The following PEDS1 variants were observed in gnomAD, a reference collection of about 807,000 sequenced individuals.
The protein encoded by PEDS1 is CarF homolog.
A neutral mutation model predicts 35.2 loss-of-function variants in PEDS1; 14 were observed. The observed-to-expected ratio is 0.40, with a 90% CI of 0.26 to 0.62. PEDS1 has a LOEUF of 0.62. Ranked by LOEUF, PEDS1 falls within the 20% of genes least tolerant of loss-of-function variation. The pLI, the probability that PEDS1 is intolerant of heterozygous loss-of-function variation, is 0.44. For missense variants in PEDS1, 260 were observed against 367.8 expected (o/e 0.71, Z 2.40); for synonymous variants, 152 against 152.0 (o/e 1.00, Z 0.00).
intron 1 of PEDS1, among the ~76,000 whole-genome samples, chr20:50,149,588 C>G (rs1348246905): frequency 6.6e-6 from 1 of 152,168 alleles, no homozygotes; most frequent in Non-Finnish European, 1.5e-5. Flanking sequence ...AGGGCTCAAC[C>G]TCTGGGCCAG....
chr20:50,134,830 A>G (rs2081216353), intron 2 of PEDS1, among the ~76,000 whole-genome samples: 1 of 152,212 alleles, frequency 6.6e-6, no homozygotes, highest in African/African-American at 2.4e-5. Flanking sequence ...ACCAACCCCC[A>G]GGTTAAGATA....
chr20:50,148,942 C>G (rs889842988), intron 1 of PEDS1, among the ~76,000 whole-genome samples: 8 of 151,946 alleles, frequency 5.3e-5, no homozygotes, highest in African/African-American at 1.7e-4. Flanking sequence ...TAGATCCTGC[C>G]TCTACAAAAA....
At chr20:50,133,460 G>T (rs770819689) in intron 2 of PEDS1, among the ~76,000 whole-genome samples, 1 of 152,140 alleles carries the variant, frequency 6.6e-6, no homozygotes, top group Non-Finnish European at 1.5e-5. Context: ...AGGTAAAGGG[G>T]TTGGGACTCA....
intron 1 of PEDS1, among the ~76,000 whole-genome samples, chr20:50,149,325 A>T (rs1476436628): frequency 6.6e-6 from 1 of 152,074 alleles, no homozygotes; most frequent in African/African-American, 2.4e-5. Flanking sequence ...GGGCACCCAC[A>T]GTTGGCCTGG....
rs1318895811 is a variant in PEDS1 at position 50,122,081 on chromosome 20, TC to T, written c.*2976del. ...ACCAATGAGAGCCTGCCCTGGGACT[TC>T]CACTGCAACTACTGGGAATGCACTT... On this transcript the variant is annotated 3_prime_UTR_variant, in exon 6 of 6. Coordinates refer to ENST00000371652, the MANE Select transcript of PEDS1 (RefSeq NM_199129.4). 6.6e-6 allele frequency: 1 copy of T among 152,226 alleles called. No individual in the cohort carries two copies. Among genetic ancestry groups the T allele is most frequent in the African/African-American group, 2.4e-5 (1 of 41,442 alleles). The allele number at this position is 152,226 out of a possible 1,614,324, so 9.4% of individuals were successfully genotyped here. A position where few individuals can be genotyped will look rare whatever the true frequency, so the allele number is the denominator to read the frequency against.
At chr20:50,141,023 C>T (rs551112593) in intron 2 of PEDS1, among the ~76,000 whole-genome samples, 7 of 152,190 alleles carry the variant, frequency 4.6e-5, no homozygotes, top group Non-Finnish European at 1.0e-4. Flanking sequence ...AGATCCCAAC[C>T]AGGGAAGGGA....
intron 5 of PEDS1, among the ~76,000 whole-genome samples, chr20:50,126,531 A>G (rs1481851426): frequency 6.6e-6 from 1 of 152,252 alleles, no homozygotes; most frequent in South Asian, 2.1e-4. Context: ...AGTACCTACT[A>G]TATGCCAAAC....
intron 1 of PEDS1, among the ~76,000 whole-genome samples, chr20:50,146,472 C>T (rs1242550410): frequency 2.0e-5 from 3 of 152,160 alleles, no homozygotes; most frequent in East Asian, 1.9e-4. Flanking sequence ...ACAATCCTAA[C>T]GGACAACTCC....
At position 50,124,927 on chromosome 20, in the gene PEDS1, G is replaced by A; in HGVS notation, c.*131C>T. ...ATTCTGTGTCATGAGGGGTGGGCTG[G>A]GGTACCTGGGCCCAGCCCAGGAGAT... On this transcript the variant is annotated 3_prime_UTR_variant, in exon 6 of 6. Transcript: ENST00000371652. 3 of 1,272,592 alleles carry A rather than the reference G, an allele frequency of 2.4e-6. No homozygotes were observed. Among genetic ancestry groups the A allele is most frequent in the Non-Finnish European group, 3.3e-6 (3 of 912,464 alleles). 78.8% of individuals were successfully genotyped at this position (1,272,592 alleles called of 1,614,324 possible).
intron 5 of PEDS1, among the ~76,000 whole-genome samples, chr20:50,125,753 C>T (rs1246657714): frequency 1.3e-5 from 2 of 152,076 alleles, no homozygotes; most frequent in Non-Finnish European, 2.9e-5. Flanking sequence ...CCACCATGCC[C>T]AGCTAAGTTT....
chr20:50,152,802 C>T (rs567602169), intron 1 of PEDS1, among the ~76,000 whole-genome samples: 1 of 152,098 alleles, frequency 6.6e-6, no homozygotes, highest in Admixed American at 6.6e-5. Flanking sequence ...TACATTCAGT[C>T]CCCTCACTGC....
rs533260222 is a variant in PEDS1, at chr20:50,128,972, C to T, written c.478+574G>A. ...TAGCACCCACTACACTACACGTCCT[C>T]ACCACCTCTACCCACCGGAGGCTGC... On this transcript the variant is annotated intron_variant, in intron 4 of 5. Transcript: ENST00000371652. This position sits in a 1 kb window ranked among gnomAD's most constrained non-coding sequence, Gnocchi z 5.2. 3.5e-4 allele frequency among the ~76,000 whole-genome samples: 53 copies of T among 152,326 alleles called. No homozygotes were observed. The highest frequency in any genetic ancestry group is 3.5e-3 in the Admixed American group (53 of 15,310).
At chr20:50,125,560 CTAT>C (rs2081092205) in intron 5 of PEDS1, among the ~76,000 whole-genome samples, 2 of 128,558 alleles carry the variant, frequency 1.6e-5, no homozygotes, top group Non-Finnish European at 3.5e-5. Context: ...ATCTATCTAT[CTAT>C]CTATCTATCT....
At chr20:50,131,626 A>C (rs1286170506) in intron 2 of PEDS1, among the ~76,000 whole-genome samples, 2 of 152,042 alleles carry the variant, frequency 1.3e-5, no homozygotes, top group African/African-American at 2.4e-5. Context: ...CGTCTCAAAA[A>C]AAAAAAAAGA....
At chr20:50,131,183 A>G (rs2081175360) in intron 2 of PEDS1, 2 of 971,806 alleles carry the variant, frequency 2.1e-6, no homozygotes, top group South Asian at 1.5e-5. Flanking sequence ...TCTGGAGAGC[A>G]TAAACTGGGC....
intron 1 of PEDS1, among the ~76,000 whole-genome samples, chr20:50,148,307 G>T (rs1401787299): frequency 1.3e-5 from 2 of 152,208 alleles, no homozygotes; most frequent in East Asian, 3.8e-4. Flanking sequence ...CATCAGCCTG[G>T]CAGGGCCTGT....
intron 5 of PEDS1, among the ~76,000 whole-genome samples, chr20:50,127,126 G>A (rs1047371229): frequency 1.3e-5 from 2 of 152,268 alleles, no homozygotes; most frequent in African/African-American, 2.4e-5. Flanking sequence ...AGGTCTGCAC[G>A]GCTTTGTCCC....
At chr20:50,153,147 G>A (rs553659053) in intron 1 of PEDS1, among the ~76,000 whole-genome samples, 1 of 151,746 alleles carries the variant, frequency 6.6e-6, no homozygotes, top group Non-Finnish European at 1.5e-5. Flanking sequence ...GGCAGCTTTG[G>A]GCTTGGACCG....
intron 2 of PEDS1, among the ~76,000 whole-genome samples, chr20:50,142,107 C>T (rs1363626049): frequency 6.6e-6 from 1 of 152,210 alleles, no homozygotes; most frequent in Admixed American, 6.5e-5. Flanking sequence ...TGAAGTGTGA[C>T]TCTGGACTAG....
Sources: gnomAD v4.1 joint callset for allele counts (sites outside exome capture counted in the v4.1 genomes callset) on GRCh38, gnomAD v4.1.1 for gene constraint, Gnocchi (gnomAD v3.1) non-coding constraint, MANE v1.5 for transcripts, NCBI Gene and HGNC (gene_info 2026-07-23, HGNC 2026-07-21) for gene names.